Variants in FGF6 observed in about 807,000 individuals in gnomAD.
FGF6 encodes FGF-6.
Under a neutral mutation model 18.4 loss-of-function variants are expected in FGF6, and 14 were observed. The ratio of observed to expected loss-of-function variants is 0.76; its 90% confidence interval spans 0.50 to 1.19. The LOEUF (loss-of-function observed/expected upper bound fraction) is 1.19, where lower values mean the gene tolerates loss of function less well. FGF6 is among the 50% of genes most tolerant of loss of function. The pLI, the probability that FGF6 is intolerant of heterozygous loss-of-function variation, is 0.00. For missense variants in FGF6, 266 were observed against 271.6 expected (o/e 0.98, Z 0.15); for synonymous variants, 125 against 116.7 (o/e 1.07, Z -0.46).
At chr12:4,438,520 TG>T (rs1865649612) in intron 2 of FGF6, among the ~76,000 whole-genome samples, 1 of 152,068 alleles carries the variant, frequency 6.6e-6, no homozygotes, top group Non-Finnish European at 1.5e-5. Context: ...CCCAGCACTT[TG>T]GGAGGCCAAG....
chr12:4,441,585 G>A (rs1865691477), intron 2 of FGF6, among the ~76,000 whole-genome samples: 1 of 152,156 alleles, frequency 6.6e-6, no homozygotes, highest in African/African-American at 2.4e-5. Flanking sequence ...CTTTCCAGGA[G>A]ACAGACATGT....
intron 2 of FGF6, among the ~76,000 whole-genome samples, chr12:4,440,752 C>G (rs190155357): frequency 2.0e-5 from 3 of 152,216 alleles, no homozygotes; most frequent in Non-Finnish European, 4.4e-5. Context: ...CATGCACCTC[C>G]CGCTGCTCTC....
intron 2 of FGF6, among the ~76,000 whole-genome samples, chr12:4,436,038 G>T (rs537354603): frequency 6.6e-6 from 1 of 152,070 alleles, no homozygotes; most frequent in Non-Finnish European, 1.5e-5. Context: ...AAAAAAACCC[G>T]CTCGATGGCT....
chr12:4,441,448 C>T (rs1865689643), intron 2 of FGF6, among the ~76,000 whole-genome samples: 1 of 152,138 alleles, frequency 6.6e-6, no homozygotes, highest in South Asian at 2.1e-4. Flanking sequence ...GCTGTGAGAT[C>T]ATGCTCGTGA....
chr12:4,445,484 GCCTAGGA>G lies in FGF6; in HGVS notation c.80_86del (p.Phe27SerfsTer3). Reference sequence around the variant, plus strand: ...AGGGCACCACCATGCCCACTAGGATGCCTAGGAAGACGAGAGCCCACAGCGTGCCCTG... The same window carrying G: ...AGGGCACCACCATGCCCACTAGGATGAGACGAGAGCCCACAGCGTGCCCTG... On this transcript the variant is annotated frameshift_variant, in exon 1 of 3. Coordinates refer to ENST00000228837, the MANE Select transcript of FGF6 (RefSeq NM_020996.3). LOFTEE classifies it high-confidence loss of function. The surrounding 1 kb of genome is among the most constrained non-coding windows in gnomAD (Gnocchi z 5.5). 1 of 1,613,144 alleles carries G rather than the reference GCCTAGGA, an allele frequency of 6.2e-7. No homozygotes were observed. Among genetic ancestry groups the G allele is most frequent in the South Asian group, 1.1e-5 (1 of 91,076 alleles).
At chr12:4,439,196 G>A (rs17183682) in intron 2 of FGF6, among the ~76,000 whole-genome samples, 1,538 of 152,272 alleles carry the variant, frequency 0.01, 26 homozygotes, top group African/African-American at 0.035. Context: ...TAGCAAATGG[G>A]CCAGGAAACG....
Position 4,445,360 on chromosome 12 carries a change from C to G in FGF6, c.211G>C (p.Gly71Arg). 3 of 1,614,010 alleles carry G rather than the reference C, an allele frequency of 1.9e-6. No individual in the cohort carries two copies. In the South Asian group the frequency reaches 3.3e-5, roughly 18 times the overall value. The change falls in exon 1 of 3, where the codon GGG (glycine) becomes CGG (arginine). Residue 71 changes from glycine (G) to arginine (R), a missense_variant. Gly to Arg is a moderately radical substitution (Grantham distance 125, BLOSUM62 -2). Coordinates refer to ENST00000228837, the MANE Select transcript of FGF6 (RefSeq NM_020996.3). The surrounding 1 kb of genome is among the most constrained non-coding windows in gnomAD (Gnocchi z 5.5). ...AAATAGCCACTTTCCCAGTTCACCC[C>G]GGCAATCTCTCCAGCTAGCCCGGCG... ...SRAGLAGEIA[G>R]VNWESGYLVG...
chr12:4,441,455 G>A (rs1056642205), intron 2 of FGF6, among the ~76,000 whole-genome samples: 3 of 152,144 alleles, frequency 2.0e-5, no homozygotes, highest in East Asian at 1.9e-4. Context: ...GATCATGCTC[G>A]TGAAGCCCTC....
intron 2 of FGF6, among the ~76,000 whole-genome samples, chr12:4,436,710 G>A (rs1865632984): frequency 6.6e-6 from 1 of 152,170 alleles, no homozygotes; most frequent in African/African-American, 2.4e-5. Flanking sequence ...CGTGGGTGAG[G>A]GGACAGCCTT....
At chr12:4,434,448 A>C in intron 2 of FGF6, 57 bp from the exon 3 acceptor site, 1 of 1,578,156 alleles carries the variant, frequency 6.3e-7, no homozygotes, top group Non-Finnish European at 8.7e-7. Context: ...AGTGCTGCAG[A>C]TGCCAGCTGG....
chr12:4,442,457 GT>G (rs1445774761), intron 2 of FGF6, among the ~76,000 whole-genome samples: 1 of 152,034 alleles, frequency 6.6e-6, no homozygotes, highest in Non-Finnish European at 1.5e-5. Context: ...TCCTTTCTGG[GT>G]AGGAAGAAAA....
chr12:4,434,459 G>A (rs951325109), intron 2 of FGF6, 68 bp from the exon 3 acceptor site: 19 of 1,517,224 alleles, frequency 1.3e-5, no homozygotes, highest in Non-Finnish European at 1.6e-5. Context: ...TGCCAGCTGG[G>A]CCGCAGAGAG....
intron 2 of FGF6, among the ~76,000 whole-genome samples, chr12:4,437,872 GT>G (rs1301255720): frequency 1.3e-5 from 2 of 151,200 alleles, no homozygotes; most frequent in Admixed American, 1.3e-4. Context: ...TCCAGAAAAA[GT>G]TTTTTTTAAT....
chr12:4,441,988 C>T (rs992407902), intron 2 of FGF6, among the ~76,000 whole-genome samples: 29 of 151,494 alleles, frequency 1.9e-4, no homozygotes, highest in African/African-American at 6.5e-4. Flanking sequence ...TGTGCAGGCC[C>T]GGCTGGCCCT....
At chr12:4,440,522 T>C (rs917579248) in intron 2 of FGF6, among the ~76,000 whole-genome samples, 7 of 152,274 alleles carry the variant, frequency 4.6e-5, no homozygotes, top group African/African-American at 1.7e-4. Context: ...TAAGACTTTC[T>C]TCTGTAGCCC....
rs17177333 is a variant in FGF6 at position 4,436,093 on chromosome 12, C to T, written c.451-1702G>A. Among the ~76,000 whole-genome samples the T allele has an allele frequency of 2.5e-4, 38 of 152,266 alleles. No individual in the cohort carries two copies. In the South Asian group the frequency reaches 5.8e-3, roughly 23 times the overall value. On this transcript the variant is annotated intron_variant, in intron 2 of 2. Coordinates refer to ENST00000228837, the MANE Select transcript of FGF6 (RefSeq NM_020996.3). ...GTCCTCTGACCTTCTGTAAAGGAAT[C>T]GTACTGCTAGTGTCCCATCTTGCTG...
chr12:4,440,976 C>G (rs1865683586), intron 2 of FGF6, among the ~76,000 whole-genome samples: 2 of 152,346 alleles, frequency 1.3e-5, no homozygotes, highest in South Asian at 4.1e-4. Flanking sequence ...TCAAAGGTCT[C>G]TGGAGGAAAT....
Position 4,434,255 on chromosome 12 carries a change from G to A in FGF6, c.587C>T (p.Ser196Phe), listed in dbSNP as rs772957912. Residue 196 changes from serine (S) to phenylalanine (F), a missense_variant, in exon 3 of 3, where the codon TCC (serine) becomes TTC (phenylalanine). Physicochemically the swap from Ser to Phe is radical, Grantham distance 155. Transcript: ENST00000228837. ...GAAATGAGTGACAGTCATGATCGGG[G>A]ACACCTTGCTGCCCCGCTTTACCCG... ...YGRVKRGSKV[S>F]PIMTVTHFLP... 1 of 1,614,172 alleles carries A rather than the reference G, an allele frequency of 6.2e-7. No individual in the cohort carries two copies. The highest frequency in any genetic ancestry group is 1.1e-5 in the South Asian group (1 of 91,082).
Position 4,445,136 on chromosome 12 carries a change from C to T in FGF6, c.346+89G>A. 1 of 1,121,432 alleles carries T rather than the reference C, an allele frequency of 8.9e-7. No individual in the cohort carries two copies. Among genetic ancestry groups the T allele is most frequent in the Non-Finnish European group, 1.3e-6 (1 of 786,728 alleles). The allele number at this position is 1,121,432 out of a possible 1,614,324, so 69.5% of individuals were successfully genotyped here. A position where few individuals can be genotyped will look rare whatever the true frequency, so the allele number is the denominator to read the frequency against. ...CATTTCTGCCCCCTTTATCGTGCAT[C>T]CTGTCCGCTAGAGCAGGGCCCCTTC... is the stretch of plus-strand genomic sequence containing the variant. On this transcript the variant is annotated intron_variant, in intron 1 of 2. Transcript: ENST00000228837. The surrounding 1 kb of genome is among the most constrained non-coding windows in gnomAD (Gnocchi z 5.5).
Sources: allele counts gnomAD v4.1 joint callset (sites outside exome capture counted in the v4.1 genomes callset), GRCh38; gene constraint gnomAD v4.1.1; non-coding constraint Gnocchi (gnomAD v3.1); transcripts MANE v1.5; gene names NCBI Gene and HGNC (gene_info 2026-07-23, HGNC 2026-07-21).